OTUD7A: variants seen among roughly 807,000 people sequenced by gnomAD.
The protein encoded by OTUD7A is OTU domain-containing protein 7A.
In OTUD7A, 12 loss-of-function variants were observed where a neutral mutation model predicts 65.7. That is an observed-to-expected ratio of 0.18 (90% CI 0.12 to 0.30). The LOEUF is 0.30. Ranked by LOEUF, OTUD7A falls within the 10% of genes least tolerant of loss-of-function variation. OTUD7A has a pLI of 1.00. For synonymous variants in OTUD7A, 641 were observed against 586.3 expected (o/e 1.09, Z -1.35); for missense variants, 1,148 against 1,304.8 (o/e 0.88, Z 1.85).
intron 5 of OTUD7A, 129 bp from the exon 6 acceptor site, chr15:31,530,937 G>A: frequency 1.7e-6 from 1 of 588,706 alleles, no homozygotes; most frequent in Non-Finnish European, 2.9e-6. Flanking sequence ...GAACATTATG[G>A]CTACTTCTCT....
At chr15:31,831,680 T>C (rs1292719006) in intron 1 of OTUD7A, among the ~76,000 whole-genome samples, 1 of 152,208 alleles carries the variant, frequency 6.6e-6, no homozygotes, top group Non-Finnish European at 1.5e-5. Context: ...GAAAGCCTTG[T>C]ACAAGAACGT....
At chr15:31,735,288 C>A (rs1311370078) in intron 1 of OTUD7A, among the ~76,000 whole-genome samples, 4 of 152,012 alleles carry the variant, frequency 2.6e-5, no homozygotes, top group Non-Finnish European at 5.9e-5. Context: ...CTTGGGGAGG[C>A]CAAGGCGGGG....
chr15:31,617,187 CTT>C (rs1319855496), intron 3 of OTUD7A, among the ~76,000 whole-genome samples: 1 of 152,086 alleles, frequency 6.6e-6, no homozygotes, highest in Admixed American at 6.6e-5. Context: ...TTTGGAAAGA[CTT>C]AGAATAATCG....
intron 5 of OTUD7A, among the ~76,000 whole-genome samples, chr15:31,554,819 T>G (rs554224233): frequency 6.6e-6 from 1 of 151,618 alleles, no homozygotes; most frequent in East Asian, 1.9e-4. Context: ...GCAAAAGGAG[T>G]GGTTTCTTGC....
intron 3 of OTUD7A, among the ~76,000 whole-genome samples, chr15:31,621,128 G>A (rs1443444822): frequency 5.3e-5 from 8 of 151,628 alleles, no homozygotes; most frequent in African/African-American, 1.9e-4. Flanking sequence ...TGTGGTCTGA[G>A]AAACAGTTTG....
At chr15:31,546,596 T>C (rs1411670541) in intron 5 of OTUD7A, among the ~76,000 whole-genome samples, 1 of 152,208 alleles carries the variant, frequency 6.6e-6, no homozygotes, top group African/African-American at 2.4e-5. Flanking sequence ...AGGAACTGAA[T>C]TGGCCAGCAC....
rs140064515 is a variant in OTUD7A, at chr15:31,548,350, G to A, written c.550+10619C>T. ...GCCTCTCAAAGAGTGTTCCTTTGGA[G>A]ATTTTCTCTGGTATTGGTGATTTAT... On this transcript the variant is annotated intron_variant, in intron 5 of 12. Transcript: ENST00000307050. Among the ~76,000 whole-genome samples the A allele has an allele frequency of 3.4e-3, 513 of 152,244 alleles. 2 individuals carry two copies. Among genetic ancestry groups the A allele is most frequent in the African/African-American group, 0.012 (482 of 41,522 alleles).
In OTUD7A at chr15:31,483,866, C is replaced by T. The variant is rs2041182052; in HGVS notation, c.2230G>A (p.Ala744Thr). 1 of 986,970 alleles carries T rather than the reference C, an allele frequency of 1.0e-6. No individual in the cohort carries two copies. 61.1% of individuals were successfully genotyped at this position (986,970 alleles called of 1,614,324 possible). A position where few individuals can be genotyped will look rare whatever the true frequency, so the allele number is the denominator to read the frequency against. The part of the protein sequence containing the change: ...PGPAAGRAAR[A>T]AAGGTASPGG... ...GGGGAGGCCGTGCCGCCCGCCGCCG[C>T]CCGCGCCGCACGCCCTGCCGCGGGC... The change falls in exon 13 of 13, where the codon GCG (alanine) becomes ACG (threonine). Residue 744 changes from alanine to threonine, a missense_variant. Ala to Thr is a moderately conservative substitution (Grantham distance 58, BLOSUM62 0). Coordinates refer to ENST00000307050, the MANE Select transcript of OTUD7A (RefSeq NM_001382637.1).
intron 3 of OTUD7A, among the ~76,000 whole-genome samples, chr15:31,637,896 A>G (rs1359369585): frequency 3.3e-5 from 5 of 152,312 alleles, no homozygotes; most frequent in Non-Finnish European, 4.4e-5. Flanking sequence ...ATGAGCAAGG[A>G]AAGTGGTTTC....
In OTUD7A at chr15:31,678,870, G is replaced by C. The variant is rs1892650961; in HGVS notation, c.-99-21793C>G. On this transcript the variant is annotated intron_variant, in intron 1 of 12. Coordinates refer to ENST00000307050, the MANE Select transcript of OTUD7A (RefSeq NM_001382637.1). ...GTGAGAAGAGAGCCACTATTCTCCA[G>C]ATCCCAGAATCGTAGATCCACCAAC... Among the ~76,000 whole-genome samples the C allele has an allele frequency of 2.6e-5, 4 of 152,342 alleles. No individual in the cohort carries two copies. The South Asian group carries it at 8.3e-4, about 32-fold the overall frequency.
chr15:31,646,507 CT>C (rs1891673025), intron 3 of OTUD7A, among the ~76,000 whole-genome samples: 1 of 148,912 alleles, frequency 6.7e-6, no homozygotes, highest in African/African-American at 2.5e-5. Context: ...GTTGCCCAGG[CT>C]GGAGTACAAT....
At chr15:31,870,430 C>G (rs1313032762) in intron 1 of OTUD7A, 77 bp downstream of exon 1, 1 of 147,200 alleles carries the variant, frequency 6.8e-6, no homozygotes, top group Non-Finnish European at 1.5e-5. Flanking sequence ...CGGCCCCGCG[C>G]CCGGAGAGCG....
At chr15:31,756,640 ACACACACAC>A in intron 1 of OTUD7A, among the ~76,000 whole-genome samples, 1 of 16,014 alleles carries the variant, frequency 6.2e-5, no homozygotes. Context: ...ACACACACAC[ACACACACAC>A]ACACACACAC....
intron 3 of OTUD7A, among the ~76,000 whole-genome samples, chr15:31,635,329 T>G (rs1891306788): frequency 6.6e-6 from 1 of 152,188 alleles, no homozygotes; most frequent in Non-Finnish European, 1.5e-5. Context: ...TGCCCTCAAT[T>G]TTACAGATGA....
In OTUD7A at chr15:31,766,513, T is replaced by C; in HGVS notation, c.-100+103994A>G. The C allele has an allele frequency of 5.6e-6, 9 of 1,611,724 alleles. No homozygotes were observed. In the South Asian group the frequency reaches 9.9e-5, roughly 18 times the overall value. ...CAGAGTCTTTTATTGATTGTGGCAC[T>C]AGACTCTCCAAGTTCACTTTCCATA... On this transcript the variant is annotated intron_variant, in intron 1 of 12. Coordinates refer to ENST00000307050, the MANE Select transcript of OTUD7A (RefSeq NM_001382637.1).
At chr15:31,597,068 G>C (rs1889926620) in intron 3 of OTUD7A, among the ~76,000 whole-genome samples, 1 of 151,788 alleles carries the variant, frequency 6.6e-6, no homozygotes, top group Non-Finnish European at 1.5e-5. Flanking sequence ...GGGACCACAG[G>C]TGCATGCTAT....
At chr15:31,796,143 G>A (rs1380190641) in intron 1 of OTUD7A, among the ~76,000 whole-genome samples, 1 of 5,196 alleles carries the variant, frequency 1.9e-4, no homozygotes, top group African/African-American at 2.0e-4. Flanking sequence ...TAAGGGGTGC[G>A]TGTGTGTGTG....
intron 3 of OTUD7A, 48 bp from the exon 4 acceptor site, chr15:31,570,245 C>T (rs1459198): frequency 0.51 from 800,332 of 1,582,924 alleles, 213,119 homozygotes; most frequent in East Asian, 0.93. Context: ...GCATGAATAA[C>T]GGTCTCATCA....
chr15:31,815,563 C>T (rs1896526668), intron 1 of OTUD7A, among the ~76,000 whole-genome samples: 1 of 152,242 alleles, frequency 6.6e-6, no homozygotes, highest in Non-Finnish European at 1.5e-5. Context: ...CTGCCACTGG[C>T]CTTCTGCCAA....
Sources: gnomAD v4.1 joint callset for allele counts (sites outside exome capture counted in the v4.1 genomes callset) on GRCh38, gnomAD v4.1.1 for gene constraint, MANE v1.5 for transcripts, NCBI Gene and HGNC (gene_info 2026-07-23, HGNC 2026-07-21) for gene names.